The following PRKG1 variants were observed in gnomAD, a reference collection of about 807,000 sequenced individuals.
PRKG1 encodes protein kinase cGMP-dependent 1, also known as cGMP-dependent protein kinase 1.
A neutral mutation model predicts 88.1 loss-of-function variants in PRKG1; 35 were observed. The observed-to-expected ratio is 0.40, with a 90% CI of 0.30 to 0.53. PRKG1 has a LOEUF of 0.53. PRKG1 is among the 20% of genes least tolerant of loss of function. The pLI is 0.59. For missense variants in PRKG1, 540 were observed against 839.8 expected, an observed-to-expected ratio of 0.64 and a Z score of 4.41; for synonymous variants, 303 against 292.5, an observed-to-expected ratio of 1.04 and a Z score of -0.37.
chr10:51,668,950 AATAATATTTT>A (rs1840489100), intron 3 of PRKG1, among the ~76,000 whole-genome samples: 1 of 152,280 alleles, frequency 6.6e-6, no homozygotes, highest in Admixed American at 6.5e-5. Context: ...TTATCCTCAA[AATAATATTTT>A]ATATCAGGAG....
At chr10:51,041,311 A>C (rs1659262906) in intron 1 of PRKG1, among the ~76,000 whole-genome samples, 1 of 151,182 alleles carries the variant, frequency 6.6e-6, no homozygotes, top group Non-Finnish European at 1.5e-5. Flanking sequence ...TTGGTGCTCT[A>C]CCCCATTGTA....
At chr10:52,135,267 G>A (rs965846961) in intron 8 of PRKG1, among the ~76,000 whole-genome samples, 3 of 152,064 alleles carry the variant, frequency 2.0e-5, no homozygotes, top group African/African-American at 7.2e-5. Context: ...TTACTCATAG[G>A]AAAGCTATCA....
intron 3 of PRKG1, among the ~76,000 whole-genome samples, chr10:51,734,748 A>C (rs895445334): frequency 6.6e-6 from 1 of 152,226 alleles, no homozygotes; most frequent in African/African-American, 2.4e-5. Flanking sequence ...ATAAATCTGC[A>C]GCAGCTGTCA....
chr10:51,408,922 G>T (rs896285451), intron 2 of PRKG1, among the ~76,000 whole-genome samples: 1 of 152,170 alleles, frequency 6.6e-6, no homozygotes, highest in African/African-American at 2.4e-5. Flanking sequence ...ACTCAGAGAG[G>T]TCCATCCACA....
intron 3 of PRKG1, among the ~76,000 whole-genome samples, chr10:51,481,994 T>C (rs1382493648): frequency 6.6e-6 from 1 of 152,218 alleles, no homozygotes; most frequent in Non-Finnish European, 1.5e-5. Flanking sequence ...ACTTGAAGGA[T>C]ACATTAGCAT....
chr10:51,079,980 T>C (rs1844064903), intron 1 of PRKG1, among the ~76,000 whole-genome samples: 1 of 152,224 alleles, frequency 6.6e-6, no homozygotes, highest in African/African-American at 2.4e-5. Flanking sequence ...CTAGGCAAAC[T>C]GAACATCAAT....
At chr10:51,806,306 C>T (rs1349710721) in intron 4 of PRKG1, among the ~76,000 whole-genome samples, 1 of 152,114 alleles carries the variant, frequency 6.6e-6, no homozygotes. Context: ...GGACTGAGTG[C>T]CAATGCTATC....
intron 9 of PRKG1, among the ~76,000 whole-genome samples, chr10:52,189,667 A>T (rs1275624632): frequency 6.6e-6 from 1 of 152,134 alleles, no homozygotes; most frequent in Non-Finnish European, 1.5e-5. Context: ...CTTCTACAAA[A>T]CCAGTCCCTG....
At chr10:51,577,233 G>C (rs962406620) in intron 3 of PRKG1, among the ~76,000 whole-genome samples, 3 of 151,882 alleles carry the variant, frequency 2.0e-5, no homozygotes, top group African/African-American at 7.2e-5. Context: ...AAATGTGTTA[G>C]CATTGTACAC....
At chr10:52,040,217 G>T (rs1264072537) in intron 5 of PRKG1, among the ~76,000 whole-genome samples, 1 of 152,132 alleles carries the variant, frequency 6.6e-6, no homozygotes, top group Non-Finnish European at 1.5e-5. Flanking sequence ...TTGCTATAGG[G>T]TTCATGAGAA....
chr10:51,940,352 T>C (rs528818296), intron 5 of PRKG1, among the ~76,000 whole-genome samples: 6 of 151,876 alleles, frequency 4.0e-5, no homozygotes, highest in Non-Finnish European at 5.9e-5. Context: ...CTGATAAATA[T>C]ATGATCCCAG....
intron 1 of PRKG1, among the ~76,000 whole-genome samples, chr10:51,146,049 C>T (rs1845939961): frequency 3.3e-5 from 5 of 151,964 alleles, no homozygotes; most frequent in Non-Finnish European, 7.4e-5. Context: ...AACAGCCAGG[C>T]ATGGTGGCAG....
chr10:52,100,122 A>G (rs1847261913), intron 7 of PRKG1, among the ~76,000 whole-genome samples: 1 of 152,166 alleles, frequency 6.6e-6, no homozygotes, highest in African/African-American at 2.4e-5. Context: ...AGTGAGGGGT[A>G]GGGATTCCTG....
chr10:51,047,946 G>A (rs769412434), intron 1 of PRKG1, among the ~76,000 whole-genome samples: 5 of 152,160 alleles, frequency 3.3e-5, no homozygotes, highest in Non-Finnish European at 7.4e-5. Context: ...CTGTAGTCAT[G>A]TTAGTTTGTG....
intron 3 of PRKG1, among the ~76,000 whole-genome samples, chr10:51,569,007 A>C (rs1837680104): frequency 1.3e-5 from 2 of 151,542 alleles, no homozygotes. Flanking sequence ...AGCACATAAA[A>C]TGTGTAATTC....
intron 5 of PRKG1, among the ~76,000 whole-genome samples, chr10:51,925,825 C>T (rs1015710635): frequency 1.3e-5 from 2 of 152,028 alleles, no homozygotes; most frequent in African/African-American, 4.8e-5. Context: ...CTTTATTTTT[C>T]TTATGAAGCT....
At chr10:51,939,258 A>G (rs1214355125) in intron 5 of PRKG1, among the ~76,000 whole-genome samples, 3 of 152,068 alleles carry the variant, frequency 2.0e-5, no homozygotes, top group Admixed American at 2.0e-4. Flanking sequence ...TACAATAGCT[A>G]TAGCAGAACT....
rs117846284 is a variant in PRKG1 at position 51,257,957 on chromosome 10, T to C, written c.478+104627T>C. On this transcript the variant is annotated intron_variant, in intron 2 of 17. Transcript: ENST00000373980. ...GCTAGGCTGGTAAATTTAATATATG[T>C]CCCCTATTGGAATTAGGAGGAAGGC... Among the ~76,000 whole-genome samples, 296 of 152,104 alleles carry C rather than the reference T, an allele frequency of 1.9e-3. 3 individuals carry two copies. Among genetic ancestry groups the C allele is most frequent in the African/African-American group, 4.1e-3 (172 of 41,488 alleles).
At chr10:51,489,252 G>T (rs1840639097) in intron 3 of PRKG1, among the ~76,000 whole-genome samples, 1 of 152,132 alleles carries the variant, frequency 6.6e-6, no homozygotes, top group South Asian at 2.1e-4. Flanking sequence ...AACACAGAAG[G>T]TGGGAAATGA....
Sources: gnomAD v4.1 joint callset for allele counts (sites outside exome capture counted in the v4.1 genomes callset) on GRCh38, gnomAD v4.1.1 for gene constraint, MANE v1.5 for transcripts, NCBI Gene and HGNC (gene_info 2026-07-23, HGNC 2026-07-21) for gene names.